The following RUNX1T1 variants were observed in gnomAD, a reference collection of about 807,000 sequenced individuals.
The protein encoded by RUNX1T1 is RUNX1 partner transcriptional co-repressor 1.
In RUNX1T1, 4 loss-of-function variants were observed where a neutral mutation model predicts 62.8. That is an observed-to-expected ratio of 0.06 (90% CI 0.03 to 0.15). The LOEUF is 0.15. RUNX1T1 is among the 10% of genes least tolerant of loss of function. RUNX1T1 has a pLI of 1.00. For missense variants in RUNX1T1, 508 were observed against 754.3 expected (o/e 0.67, Z 3.82); for synonymous variants, 291 against 286.0 (o/e 1.02, Z -0.18).
intron 1 of RUNX1T1, among the ~76,000 whole-genome samples, chr8:92,045,194 C>T (rs891303918): frequency 4.0e-5 from 6 of 151,818 alleles, no homozygotes; most frequent in African/African-American, 1.2e-4. Flanking sequence ...ATTTATGCAC[C>T]GCCAAAATAA....
intron 1 of RUNX1T1, among the ~76,000 whole-genome samples, chr8:92,092,972 A>G (rs1359574827): frequency 6.6e-6 from 1 of 152,166 alleles, no homozygotes; most frequent in African/African-American, 2.4e-5. Context: ...TTCATATTGG[A>G]GCAGATGTAG....
intron 5 of RUNX1T1, among the ~76,000 whole-genome samples, chr8:92,004,016 G>A (rs1820257111): frequency 6.6e-6 from 1 of 152,158 alleles, no homozygotes; most frequent in African/African-American, 2.4e-5. Flanking sequence ...CTTAACAGAG[G>A]ATTATGTAAT....
chr8:92,013,934 T>C (rs995855422), intron 3 of RUNX1T1, among the ~76,000 whole-genome samples: 2 of 152,092 alleles, frequency 1.3e-5, no homozygotes, highest in African/African-American at 4.8e-5. Context: ...GATGAAAAAG[T>C]TCTGGAGATG....
intron 4 of RUNX1T1, among the ~76,000 whole-genome samples, chr8:92,008,252 G>A (rs1302153061): frequency 2.0e-5 from 3 of 152,066 alleles, no homozygotes; most frequent in African/African-American, 7.2e-5. Flanking sequence ...TCTATTAGCA[G>A]AGCATGATAT....
At chr8:92,095,329 C>T (rs1837629496) in intron 1 of RUNX1T1, 2 of 1,532,650 alleles carry the variant, frequency 1.3e-6, no homozygotes, top group Non-Finnish European at 1.7e-6. Context: ...GCCTCCCTCC[C>T]CTGTTCACGG....
At chr8:92,019,419 A>G (rs2131191255) in intron 1 of RUNX1T1, among the ~76,000 whole-genome samples, 1 of 152,144 alleles carries the variant, frequency 6.6e-6, no homozygotes, top group East Asian at 1.9e-4. Flanking sequence ...GAAGAGCAGG[A>G]GGGGGAGGGG....
At chr8:91,995,853 T>G (rs746650629) in intron 5 of RUNX1T1, among the ~76,000 whole-genome samples, 29 of 151,656 alleles carry the variant, frequency 1.9e-4, no homozygotes, top group Non-Finnish European at 2.9e-5. Context: ...CTATGAAGGA[T>G]CTCTCTGGTG....
At chr8:91,973,065 A>G (rs10091581) in intron 9 of RUNX1T1, among the ~76,000 whole-genome samples, 3,130 of 152,062 alleles carry the variant, frequency 0.021, 104 homozygotes, top group African/African-American at 0.072. Context: ...TATTGGGGGC[A>G]ATGTGAAAGA....
exon 11 of RUNX1T1, chr8:91,959,308 T>C (rs973031375): frequency 4.4e-6 from 1 of 224,784 alleles, no homozygotes; most frequent in African/African-American, 2.2e-5. Flanking sequence ...TGTCTTACTC[T>C]GTGGAACCTT....
intron 2 of RUNX1T1, among the ~76,000 whole-genome samples, chr8:92,072,462 G>C (rs1833830356): frequency 6.6e-6 from 1 of 152,042 alleles, no homozygotes; most frequent in South Asian, 2.1e-4. Flanking sequence ...ATTAAACAAT[G>C]ATTAGAATCA....
chr8:91,963,044 G>GA (rs1393431781), intron 10 of RUNX1T1, among the ~76,000 whole-genome samples: 1 of 152,196 alleles, frequency 6.6e-6, no homozygotes, highest in African/African-American at 2.4e-5. Flanking sequence ...AAGGGAGACA[G>GA]AATGGGGGCT....
chr8:92,011,120 C>T lies in RUNX1T1; in HGVS notation c.388-29G>A, dbSNP rs542090361. 9.5e-5 allele frequency: 116 copies of T among 1,223,872 alleles called. No homozygotes were observed. In the South Asian group the frequency reaches 1.3e-3, roughly 14 times the overall value. 75.8% of individuals were successfully genotyped at this position (1,223,872 alleles called of 1,614,324 possible). A position where few individuals can be genotyped will look rare whatever the true frequency, so the allele number is the denominator to read the frequency against. ...TGGAAGAAAATATGTAGTATAAATA[C>T]ATTAGCCTGTTGGTAAATAGTAAAA... On this transcript the variant is annotated intron_variant, in intron 3 of 10. Transcript: ENST00000396218.
chr8:92,064,000 C>T (rs781263989), upstream of RUNX1T1, among the ~76,000 whole-genome samples: 4 of 152,190 alleles, frequency 2.6e-5, no homozygotes, highest in Non-Finnish European at 5.9e-5. Flanking sequence ...ACTTACTCTA[C>T]ACTTTCCATA....
At chr8:92,059,422 G>A (rs1031093875) in intron 1 of RUNX1T1, among the ~76,000 whole-genome samples, 2 of 151,970 alleles carry the variant, frequency 1.3e-5, no homozygotes, top group African/African-American at 4.8e-5. Flanking sequence ...ACAAATCATC[G>A]CTTGCAAGCA....
At chr8:92,059,320 T>TA (rs77153014) in intron 1 of RUNX1T1, among the ~76,000 whole-genome samples, 3 of 151,600 alleles carry the variant, frequency 2.0e-5, no homozygotes, top group Admixed American at 1.3e-4. Context: ...ATGCATCTAT[T>TA]AAAAAAAAAT....
chr8:91,973,111 T>C lies in RUNX1T1; in HGVS notation c.1268-2263A>G, dbSNP rs574985081. ...GTCTGTAGATTAAATAATAGTCTTC[T>C]ATCAGTGATAAAGTCTTGATTTGGT... On this transcript the variant is annotated intron_variant, in intron 9 of 10. Coordinates refer to ENST00000396218, the Ensembl canonical transcript of RUNX1T1. 5.9e-5 allele frequency among the ~76,000 whole-genome samples: 9 copies of C among 152,128 alleles called. No homozygotes were observed. In the South Asian group the frequency reaches 1.2e-3, roughly 21 times the overall value.
upstream of RUNX1T1, among the ~76,000 whole-genome samples, chr8:92,102,269 C>A (rs1476045551): frequency 6.6e-6 from 1 of 152,138 alleles, no homozygotes; most frequent in East Asian, 1.9e-4. This position sits in a 1 kb window ranked among gnomAD's most constrained non-coding sequence, Gnocchi z 4.5. Context: ...AAGGAAAGTT[C>A]GCAGGCAGGC....
intron 2 of RUNX1T1, chr8:92,071,362 C>T (rs1054598643): frequency 6.6e-6 from 1 of 152,124 alleles, no homozygotes; most frequent in Non-Finnish European, 1.5e-5. Context: ...ACACATAGGA[C>T]ACTATATAAT....
intron 10 of RUNX1T1, among the ~76,000 whole-genome samples, chr8:91,961,963 C>T (rs1007832309): frequency 8.5e-5 from 13 of 152,230 alleles, no homozygotes; most frequent in Non-Finnish European, 5.9e-5. Flanking sequence ...ATTTGCTTTG[C>T]TTCCAGCATG....
Sources: allele counts gnomAD v4.1 joint callset (sites outside exome capture counted in the v4.1 genomes callset), GRCh38; gene constraint gnomAD v4.1.1; non-coding constraint Gnocchi (gnomAD v3.1); transcripts MANE v1.5; gene names NCBI Gene and HGNC (gene_info 2026-07-23, HGNC 2026-07-21).